MAB21L4: variants seen among roughly 807,000 people sequenced by gnomAD.
The protein encoded by MAB21L4 is mab-21 like 4, also known as protein mab-21-like 4.
Under a neutral mutation model 32.4 loss-of-function variants are expected in MAB21L4, and 25 were observed. The observed-to-expected ratio is 0.77, with a 90% confidence interval of 0.56 to 1.08. The LOEUF is 1.08. Among genes scored for constraint, MAB21L4 ranks in the 50% least tolerant of loss-of-function variants. MAB21L4 has a pLI of 0.00. For synonymous variants in MAB21L4, 280 were observed against 276.8 expected, an observed-to-expected ratio of 1.01 and a Z score of -0.11; for missense variants, 638 against 611.0, an observed-to-expected ratio of 1.04 and a Z score of -0.47.
intron 1 of MAB21L4, among the ~76,000 whole-genome samples, chr2:240,894,207 G>A (rs552556700): frequency 2.9e-4 from 44 of 152,060 alleles, no homozygotes; most frequent in African/African-American, 1.1e-3. Flanking sequence ...CTCTCGCGAA[G>A]GTGAGCTGAC....
intron 1 of MAB21L4, among the ~76,000 whole-genome samples, chr2:240,892,285 G>C (rs1261207619): frequency 6.6e-6 from 1 of 152,142 alleles, no homozygotes; most frequent in Non-Finnish European, 1.5e-5. Context: ...TCCCACTCCA[G>C]AGCTGGAGAG....
chr2:240,893,259 G>A (rs543466034), intron 1 of MAB21L4, among the ~76,000 whole-genome samples: 1 of 152,298 alleles, frequency 6.6e-6, no homozygotes, highest in Admixed American at 6.5e-5. Flanking sequence ...CCTGGTCCTG[G>A]CTGTGTGGAC....
At position 240,891,487 on chromosome 2, in the gene MAB21L4, C is replaced by T. The variant is rs994892750; in HGVS notation, c.740+51G>A. On this transcript the variant is annotated intron_variant, in intron 2 of 4. Coordinates refer to ENST00000388934, the MANE Select transcript of MAB21L4 (RefSeq NM_001085437.3). Reference sequence around the variant, plus strand: ...GGCCAGGGGAGCATGGGGGCAGTGGCCCCTTCCTGCCCCCTCCCCAAGAAC... The same window carrying T: ...GGCCAGGGGAGCATGGGGGCAGTGGTCCCTTCCTGCCCCCTCCCCAAGAAC... 7 of 1,484,524 alleles carry T rather than the reference C, an allele frequency of 4.7e-6. No homozygotes were observed. In the African/African-American group the frequency reaches 5.6e-5, roughly 12 times the overall value. 92.0% of individuals were successfully genotyped at this position (1,484,524 alleles called of 1,614,324 possible).
intron 2 of MAB21L4, among the ~76,000 whole-genome samples, 181 bp from the exon 3 acceptor site, chr2:240,890,339 G>C (rs977771397): frequency 1.3e-5 from 2 of 152,236 alleles, no homozygotes; most frequent in African/African-American, 4.8e-5. Context: ...CAGTGTGCAC[G>C]CCTGCTTTTC....
rs905634426 is a variant in MAB21L4, at chr2:240,893,215, C to T, written c.515-1452G>A. Among the ~76,000 whole-genome samples, 3 of 152,218 alleles carry T rather than the reference C, an allele frequency of 2.0e-5. 1 individual carries two copies. The South Asian group carries it at 6.2e-4, about 31-fold the overall frequency. ...AGCGAGCATGGGGCCTGCCTTCCCA[C>T]CATCCCACCGCCCCAGGGTCCTTCC... On this transcript the variant is annotated intron_variant, in intron 1 of 4. Coordinates refer to ENST00000388934, the MANE Select transcript of MAB21L4 (RefSeq NM_001085437.3).
intron 2 of MAB21L4, among the ~76,000 whole-genome samples, chr2:240,890,532 G>T (rs1040796817): frequency 6.6e-6 from 1 of 152,168 alleles, no homozygotes; most frequent in Non-Finnish European, 1.5e-5. Flanking sequence ...AGGGGTGGCC[G>T]CATGATGGGC....
At chr2:240,888,000 T>C (rs904443904) in intron 4 of MAB21L4, among the ~76,000 whole-genome samples, 5 of 152,162 alleles carry the variant, frequency 3.3e-5, no homozygotes, top group Non-Finnish European at 5.9e-5. Flanking sequence ...ATTTACCAAG[T>C]GTGAGCTGGG....
At chr2:240,887,266 C>T (rs1472352716) in intron 4 of MAB21L4, 104 bp from the exon 5 acceptor site, 2 of 918,074 alleles carry the variant, frequency 2.2e-6, no homozygotes, top group Admixed American at 4.1e-5. Context: ...CCTCCCTGGG[C>T]CATGCCGGGC....
In MAB21L4 at chr2:240,891,556, G is replaced by T. The variant is rs369402315; in HGVS notation, c.722C>A (p.Ala241Asp). The T allele has an allele frequency of 4.3e-6, 7 of 1,610,138 alleles. No homozygotes were observed. Among genetic ancestry groups the T allele is most frequent in the Non-Finnish European group, 5.9e-6 (7 of 1,179,506 alleles). Residue 241 changes from alanine (A) to aspartate (D), a missense_variant, in exon 2 of 5, where the codon GCC becomes GAC. Transcript: ENST00000388934. Reference protein sequence around the residue: ...ILSQGVDLVPASAQLWRTSTD... With the variant: ...ILSQGVDLVPDSAQLWRTSTD... ...CGCCTACCTCCAGAGCTGGGCGCTGGCCGGCACCAGGTCCACCCCTTGGCT... is the reference window on the plus strand; with the variant it reads ...CGCCTACCTCCAGAGCTGGGCGCTGTCCGGCACCAGGTCCACCCCTTGGCT...
In MAB21L4 at chr2:240,889,084, C is replaced by A. The variant is rs1289329283; in HGVS notation, c.895-436G>T. 3.3e-5 allele frequency among the ~76,000 whole-genome samples: 5 copies of A among 152,172 alleles called. 1 individual carries two copies. The East Asian group carries it at 7.7e-4, about 23-fold the overall frequency. On this transcript the variant is annotated intron_variant, in intron 3 of 4. Coordinates refer to ENST00000388934, the MANE Select transcript of MAB21L4 (RefSeq NM_001085437.3). ...GTGTGCTCATGACCCCTGGCCTGAA[C>A]CACAAGACCTGAGCTGCCTGCGGCC...
chr2:240,890,114 C>A lies in MAB21L4; in HGVS notation c.785G>T (p.Gly262Val). 1 of 1,611,634 alleles carries A rather than the reference C, an allele frequency of 6.2e-7. No individual in the cohort carries two copies. Among genetic ancestry groups the A allele is most frequent in the Non-Finnish European group, 8.5e-7 (1 of 1,178,600 alleles). ...GTCCAGGCGATGACCCTGCAGGGAG[C>A]CCAGCTCCCCCAGCAGCCTCGTGAG... ...YLLTRLLGEL[G>V]SLQGHRLDSL... is the part of the protein sequence containing the mutation. Residue 262 changes from glycine (G) to valine (V), a missense_variant, in exon 3 of 5, where the codon GGC becomes GTC. Transcript: ENST00000388934.
chr2:240,890,265 C>T, intron 2 of MAB21L4, 107 bp from the exon 3 acceptor site: 1 of 1,362,430 alleles, frequency 7.3e-7, no homozygotes, highest in South Asian at 1.5e-5. Context: ...TCGTGCTGTG[C>T]TGCGTCTGCT....
In MAB21L4 at chr2:240,895,992, A is replaced by G; in HGVS notation, c.6T>C (p.Pro2=). Residue 2 remains proline, a synonymous_variant, in exon 1 of 5, where the codon CCT becomes CCC. Transcript: ENST00000388934. M[P]APALPTSAMA... is the part of the protein sequence containing the mutation. ...TGGCTGAGGTGGGGAGAGCAGGGGCAGGCATCCCTTCAACAGTGGCAGGTG... is the reference window on the plus strand; with the variant it reads ...TGGCTGAGGTGGGGAGAGCAGGGGCGGGCATCCCTTCAACAGTGGCAGGTG... 1 of 1,451,942 alleles carries G rather than the reference A, an allele frequency of 6.9e-7. No individual in the cohort carries two copies. The highest frequency in any genetic ancestry group is 1.4e-5 in the South Asian group (1 of 69,274). 89.9% of individuals were successfully genotyped at this position (1,451,942 alleles called of 1,614,324 possible). A position where few individuals can be genotyped will look rare whatever the true frequency, so the allele number is the denominator to read the frequency against.
rs138090323 is a variant in MAB21L4 at position 240,893,224 on chromosome 2, C to T, written c.515-1461G>A. ...GGGGCCTGCCTTCCCACCATCCCAC[C>T]GCCCCAGGGTCCTTCCGGAGGGAGC... On this transcript the variant is annotated intron_variant, in intron 1 of 4. Transcript: ENST00000388934. Among the ~76,000 whole-genome samples, 84 of 152,308 alleles carry T rather than the reference C, an allele frequency of 5.5e-4. 4 individuals are homozygous for T. In the Middle Eastern group the frequency reaches 0.017, roughly 31 times the overall value.
chr2:240,895,389 C>T, intron 1 of MAB21L4, 95 bp downstream of exon 1: 2 of 1,231,840 alleles, frequency 1.6e-6, no homozygotes, highest in Non-Finnish European at 1.1e-6. Flanking sequence ...ACATGGCAAT[C>T]ACACACATGT....
At position 240,888,398 on chromosome 2, in the gene MAB21L4, C is replaced by A; in HGVS notation, c.1145G>T (p.Arg382Leu). 2 of 1,555,372 alleles carry A rather than the reference C, an allele frequency of 1.3e-6. No homozygotes were observed. The highest frequency in any genetic ancestry group is 8.7e-7 in the Non-Finnish European group (1 of 1,154,110). ...ALRIHATHLG[R>L]SPPPRIGSGL... ...GGAGCCGATGCGCGGCGGGGGGCTG[C>A]GGCCCAGGTGGGTGGCGTGGATGCG... Residue 382 changes from arginine (R) to leucine (L), a missense_variant, in exon 4 of 5, where the codon CGC (arginine) becomes CTC (leucine). Physicochemically the swap from Arg to Leu is moderately radical, Grantham distance 102. Coordinates refer to ENST00000388934, the MANE Select transcript of MAB21L4 (RefSeq NM_001085437.3).
chr2:240,888,324 C>T lies in MAB21L4; in HGVS notation c.1219G>A (p.Ala407Thr). The change falls in exon 4 of 5, where the codon GCC becomes ACC. Residue 407 changes from alanine (A) to threonine (T), a missense_variant. Ala to Thr is a moderately conservative substitution (Grantham distance 58). Coordinates refer to ENST00000388934, the MANE Select transcript of MAB21L4 (RefSeq NM_001085437.3). ...QLPASDPTYW[A>T]TAYFDVLLDK... ...AGCAGGACGTCGAAGTAGGCAGTGGCCCAGTAAGTGGGGTCACTGGCTGGC... is the reference window on the plus strand; with the variant it reads ...AGCAGGACGTCGAAGTAGGCAGTGGTCCAGTAAGTGGGGTCACTGGCTGGC... 2 of 1,584,312 alleles carry T rather than the reference C, an allele frequency of 1.3e-6. No homozygotes were observed. The highest frequency in any genetic ancestry group is 1.7e-6 in the Non-Finnish European group (2 of 1,169,040).
At chr2:240,889,470 C>A (rs1420325703) in intron 3 of MAB21L4, among the ~76,000 whole-genome samples, 1 of 152,180 alleles carries the variant, frequency 6.6e-6, no homozygotes, top group Non-Finnish European at 1.5e-5. Context: ...CCTGCTTCCT[C>A]GGGGTTGGGG....
Position 240,891,588 on chromosome 2 carries a change from C to A in MAB21L4, c.690G>T (p.Arg230Ser), listed in dbSNP as rs10195453. 3.8e-5 allele frequency: 61 copies of A among 1,610,386 alleles called. 1 individual carries two copies. The African/African-American group carries it at 7.1e-4, about 19-fold the overall frequency. Residue 230 changes from arginine (R) to serine (S), a missense_variant, in exon 2 of 5, where the codon AGG becomes AGT. Transcript: ENST00000388934. ...MPGFPEGSLR[R>S]ILSQGVDLVP... ...CCAGGTCCACCCCTTGGCTGAGGAT[C>A]CTTCTCAAGCTGCCCTCAGGGAATC...
Sources: allele counts gnomAD v4.1 joint callset (sites outside exome capture counted in the v4.1 genomes callset), GRCh38; gene constraint gnomAD v4.1.1; transcripts MANE v1.5; gene names NCBI Gene and HGNC (gene_info 2026-07-23, HGNC 2026-07-21).